The following ZCCHC8 variants were observed in gnomAD, a reference collection of about 807,000 sequenced individuals.
The protein encoded by ZCCHC8 is zinc finger CCHC domain-containing protein 8.
In ZCCHC8, 27 loss-of-function variants were observed where a neutral mutation model predicts 70.6. That is an observed-to-expected ratio of 0.38 (90% CI 0.28 to 0.53). The LOEUF is 0.53. Ranked by LOEUF, ZCCHC8 falls within the 20% of genes least tolerant of loss-of-function variation. The pLI is 0.81. For synonymous variants in ZCCHC8, 293 were observed against 317.4 expected (o/e 0.92, Z 0.82); for missense variants, 737 against 876.9 (o/e 0.84, Z 2.01).
chr12:122,489,082 T>C (rs1325216459), intron 5 of ZCCHC8, among the ~76,000 whole-genome samples: 1 of 152,204 alleles, frequency 6.6e-6, no homozygotes, highest in Non-Finnish European at 1.5e-5. Flanking sequence ...CTCTCAGCTT[T>C]AGCCATGTAT....
chr12:122,477,790 C>CA (rs145158700), intron 13 of ZCCHC8, 51 bp downstream of exon 13: 73,008 of 993,742 alleles, frequency 0.073, 11 homozygotes, highest in Non-Finnish European at 0.078. Context: ...GACTCCATCT[C>CA]AAAAAAAAAA....
chr12:122,500,742 G>A lies in ZCCHC8; in HGVS notation c.99C>T (p.Asp33=). 2 of 1,586,276 alleles carry A rather than the reference G, an allele frequency of 1.3e-6. No individual in the cohort carries two copies. Among genetic ancestry groups the A allele is most frequent in the Admixed American group, 1.8e-5 (1 of 55,834 alleles). The change falls in exon 1 of 14, where the codon GAC becomes GAT. Residue 33 remains aspartate, a synonymous_variant. Transcript: ENST00000633063. The surrounding 1 kb of genome is among the most constrained non-coding windows in gnomAD (Gnocchi z 4.8). Reference sequence around the variant, plus strand: ...TTTCGTCCTCCTCGTCGCCGTCGTCGTCCTTGAAGCGAGTGTGAACGGGCT... The same window carrying A: ...TTTCGTCCTCCTCGTCGCCGTCGTCATCCTTGAAGCGAGTGTGAACGGGCT... The part of the protein sequence containing the change: ...IPKPVHTRFK[D]DDGDEEDENG...
chr12:122,493,477 G>A (rs1957780512), intron 2 of ZCCHC8, among the ~76,000 whole-genome samples: 1 of 152,024 alleles, frequency 6.6e-6, no homozygotes, highest in Non-Finnish European at 1.5e-5. Context: ...CTGGATTGCA[G>A]TGGGGGCAAT....
At position 122,483,377 on chromosome 12, in the gene ZCCHC8, T is replaced by A; in HGVS notation, c.606-33A>T. On this transcript the variant is annotated intron_variant, in intron 6 of 13. Coordinates refer to ENST00000633063, the MANE Select transcript of ZCCHC8 (RefSeq NM_017612.5). This position sits in a 1 kb window ranked among gnomAD's most constrained non-coding sequence, Gnocchi z 4.4. ...GAATTTTATTAAGGAATAGTTATCATGGTCTGCAAAATTTGGAAATTGTTT... is the reference window on the plus strand; with the variant it reads ...GAATTTTATTAAGGAATAGTTATCAAGGTCTGCAAAATTTGGAAATTGTTT... The A allele has an allele frequency of 2.5e-6, 4 of 1,576,972 alleles. No individual in the cohort carries two copies. The highest frequency in any genetic ancestry group is 3.4e-6 in the Non-Finnish European group (4 of 1,159,454).
intron 2 of ZCCHC8, among the ~76,000 whole-genome samples, chr12:122,496,707 C>T (rs1957831116): frequency 6.6e-6 from 1 of 152,214 alleles, no homozygotes; most frequent in East Asian, 1.9e-4. Context: ...ACCATGTTGT[C>T]CAGACTGGTC....
In ZCCHC8 at chr12:122,500,516, G is replaced by A; in HGVS notation, c.199+126C>T. On this transcript the variant is annotated intron_variant, in intron 1 of 13. Coordinates refer to ENST00000633063, the MANE Select transcript of ZCCHC8 (RefSeq NM_017612.5). The surrounding 1 kb of genome is among the most constrained non-coding windows in gnomAD (Gnocchi z 4.8). Reference sequence around the variant, plus strand: ...CGCCGGCGGGTGACAGAAAGCACTTGGAATTCTGGCCCTCCTGGAACTTCC... The same window carrying A: ...CGCCGGCGGGTGACAGAAAGCACTTAGAATTCTGGCCCTCCTGGAACTTCC... 8.3e-7 allele frequency: 1 copy of A among 1,207,008 alleles called. No homozygotes were observed. The highest frequency in any genetic ancestry group is 1.1e-6 in the Non-Finnish European group (1 of 891,930). 74.8% of individuals were successfully genotyped at this position (1,207,008 alleles called of 1,614,324 possible).
chr12:122,485,208 G>A (rs1323515938), intron 5 of ZCCHC8, among the ~76,000 whole-genome samples: 1 of 152,048 alleles, frequency 6.6e-6, no homozygotes, highest in Non-Finnish European at 1.5e-5. Context: ...TGAACCTCCT[G>A]GGTTCAAGCG....
intron 5 of ZCCHC8, 38 bp downstream of exon 5, chr12:122,489,348 C>T (rs1310896058): frequency 1.3e-6 from 2 of 1,596,654 alleles, no homozygotes; most frequent in Admixed American, 1.7e-5. Flanking sequence ...TAGGAAACAC[C>T]TATTGGCTGA....
intron 13 of ZCCHC8, among the ~76,000 whole-genome samples, chr12:122,475,082 C>G (rs1226082658): frequency 6.6e-6 from 1 of 151,994 alleles, no homozygotes; most frequent in Non-Finnish European, 1.5e-5. Flanking sequence ...GAGTCTTGCT[C>G]TGTTGCCCAG....
In ZCCHC8 at chr12:122,480,064, G is replaced by A. The variant is rs540967843; in HGVS notation, c.1140+126C>T. ...GGGACTCAAGTGATCATCTTGCCTC[G>A]GACTCCCAAAGTGTTGGGATTACAG... On this transcript the variant is annotated intron_variant, in intron 11 of 13. Coordinates refer to ENST00000633063, the MANE Select transcript of ZCCHC8 (RefSeq NM_017612.5). The A allele has an allele frequency of 1.1e-4, 86 of 812,160 alleles. No individual in the cohort carries two copies. The Admixed American group carries it at 1.1e-3, about 10-fold the overall frequency. The allele number at this position is 812,160 out of a possible 1,614,324, so 50.3% of individuals were successfully genotyped here.
At chr12:122,484,704 T>A (rs1393558061) in intron 5 of ZCCHC8, among the ~76,000 whole-genome samples, 2 of 152,056 alleles carry the variant, frequency 1.3e-5, no homozygotes, top group East Asian at 1.9e-4. Context: ...TCCATTTTTT[T>A]AATGACACTG....
intron 2 of ZCCHC8, among the ~76,000 whole-genome samples, chr12:122,496,152 G>A (rs1218541141): frequency 2.3e-5 from 3 of 130,686 alleles, no homozygotes; most frequent in Non-Finnish European, 4.8e-5. Flanking sequence ...AGACGACAGA[G>A]TGAGAAATTG....
intron 5 of ZCCHC8, among the ~76,000 whole-genome samples, chr12:122,486,412 CAAAAA>C (rs762392385): frequency 2.0e-5 from 1 of 50,858 alleles, no homozygotes; most frequent in East Asian, 6.1e-4. Context: ...GAGGCTGTCT[CAAAAA>C]AAAAAAAAAA....
intron 2 of ZCCHC8, among the ~76,000 whole-genome samples, chr12:122,494,358 C>T (rs1416253103): frequency 6.6e-6 from 1 of 150,954 alleles, no homozygotes; most frequent in East Asian, 1.9e-4. Flanking sequence ...TCGAGACCAG[C>T]CTGGCCAACA....
Position 122,481,975 on chromosome 12 carries a change from C to T in ZCCHC8, c.845G>A (p.Arg282Lys). Residue 282 changes from arginine (R) to lysine (K), a missense_variant, in exon 9 of 14, where the codon AGA becomes AAA. Transcript: ENST00000633063. ...QRYHAEEVEE[R>K]FGRFKPGVIS... ...AACTCCTGGCTTGAATCTTCCAAAT[C>T]TTTCTTCTACTTCTTCTGCGTGGTA... 1 of 1,613,310 alleles carries T rather than the reference C, an allele frequency of 6.2e-7. No individual in the cohort carries two copies. Among genetic ancestry groups the T allele is most frequent in the Non-Finnish European group, 8.5e-7 (1 of 1,179,662 alleles).
intron 2 of ZCCHC8, among the ~76,000 whole-genome samples, chr12:122,493,514 C>G (rs1957780863): frequency 6.6e-6 from 1 of 151,844 alleles, no homozygotes; most frequent in Non-Finnish European, 1.5e-5. Context: ...CTCTGCCTCC[C>G]AGGTTCAAGC....
intron 8 of ZCCHC8, 89 bp from the exon 9 acceptor site, chr12:122,482,176 T>C (rs1957549153): frequency 7.4e-7 from 1 of 1,351,990 alleles, no homozygotes; most frequent in African/African-American, 1.5e-5. Flanking sequence ...TTAGATCAAG[T>C]AAACAGATTA....
chr12:122,494,545 G>A (rs1336077591), intron 2 of ZCCHC8, among the ~76,000 whole-genome samples: 46 of 147,538 alleles, frequency 3.1e-4, no homozygotes, highest in South Asian at 8.6e-4. Flanking sequence ...GGGCAACACA[G>A]CGAGACTCTG....
In ZCCHC8 at chr12:122,480,304, A is replaced by G. The variant is rs1269557040; in HGVS notation, c.1026T>C (p.Thr342=). Residue 342 remains threonine, a synonymous_variant, in exon 11 of 14, where the codon ACT becomes ACC. Transcript: ENST00000633063. ...GLALYDGKDG[T]DGETEVGEIQ... is the part of the protein sequence containing the mutation. The stretch of plus-strand genomic sequence containing the variant: ...TTTCTCCAACTTCTGTTTCCCCATC[A>G]GTGCCATCTATTACAGACCATAAAA... The G allele has an allele frequency of 1.2e-6, 2 of 1,610,410 alleles. No homozygotes were observed. Among genetic ancestry groups the G allele is most frequent in the African/African-American group, 2.7e-5 (2 of 74,900 alleles).
Sources: gnomAD v4.1 joint callset for allele counts (sites outside exome capture counted in the v4.1 genomes callset) on GRCh38, gnomAD v4.1.1 for gene constraint, Gnocchi (gnomAD v3.1) non-coding constraint, MANE v1.5 for transcripts, NCBI Gene and HGNC (gene_info 2026-07-23, HGNC 2026-07-21) for gene names.